Variants in RANBP2 observed in about 807,000 individuals in gnomAD.
RANBP2 encodes the protein E3 SUMO-protein ligase RanBP2.
Under a neutral mutation model 303.6 loss-of-function variants are expected in RANBP2, and 57 were observed. The ratio of observed to expected loss-of-function variants is 0.19; its 90% CI spans 0.15 to 0.23. The LOEUF (loss-of-function observed/expected upper bound fraction) is 0.23. RANBP2 is among the 10% of genes least tolerant of loss of function. RANBP2 has a pLI of 1.00. For synonymous variants in RANBP2, 1,167 were observed against 1,301.5 expected (o/e 0.90, Z 2.23); for missense variants, 3,138 against 3,780.8 (o/e 0.83, Z 4.46).
the RANBP2 span, among the ~76,000 whole-genome samples, chr2:109,061,736 T>C: frequency 6.6e-6 from 1 of 152,172 alleles, no homozygotes. Context: ...ATTTTGGACA[T>C]TAAAAAGTAG....
the RANBP2 span, among the ~76,000 whole-genome samples, chr2:109,738,921 T>C: frequency 6.6e-6 from 1 of 151,470 alleles, no homozygotes; most frequent in African/African-American, 2.4e-5. Flanking sequence ...TATTTTGGTT[T>C]AATTTTTGTT....
the RANBP2 span, among the ~76,000 whole-genome samples, chr2:109,481,525 T>G: frequency 6.6e-6 from 1 of 152,118 alleles, no homozygotes; most frequent in African/African-American, 2.4e-5. Context: ...TCGGGAAGTT[T>G]CCAGAAGGCT....
chr2:109,328,819 T>C, the RANBP2 span, among the ~76,000 whole-genome samples: 1 of 152,226 alleles, frequency 6.6e-6, no homozygotes, highest in African/African-American at 2.4e-5. Context: ...ATATTTCACC[T>C]GAACACAGTG....
the RANBP2 span, among the ~76,000 whole-genome samples, chr2:109,631,061 A>G: frequency 6.6e-6 from 1 of 152,192 alleles, no homozygotes; most frequent in Admixed American, 6.5e-5. Flanking sequence ...CCGTCTTCAA[A>G]AATCAAAAAC....
chr2:108,946,944 A>G, the RANBP2 span, among the ~76,000 whole-genome samples: 6 of 152,198 alleles, frequency 3.9e-5, no homozygotes, highest in Non-Finnish European at 8.8e-5. Context: ...ACAGTCTCCC[A>G]AAGTCTTACT....
the RANBP2 span, among the ~76,000 whole-genome samples, chr2:108,815,135 A>G: frequency 6.6e-6 from 1 of 152,136 alleles, no homozygotes; most frequent in Non-Finnish European, 1.5e-5. Flanking sequence ...TAGGAAAAAA[A>G]TGTTCATATG....
At chr2:109,340,034 C>A in the RANBP2 span, among the ~76,000 whole-genome samples, 1 of 152,182 alleles carries the variant, frequency 6.6e-6, no homozygotes. Context: ...TATAAAAGGA[C>A]TATAATTCTT....
the RANBP2 span, among the ~76,000 whole-genome samples, chr2:109,671,074 G>C: frequency 1.3e-5 from 2 of 152,206 alleles, no homozygotes; most frequent in Admixed American, 6.5e-5. Flanking sequence ...TGGACAGCAT[G>C]ACAAGGTGAT....
At chr2:109,423,697 C>T in the RANBP2 span, among the ~76,000 whole-genome samples, 1 of 152,214 alleles carries the variant, frequency 6.6e-6, no homozygotes, top group Non-Finnish European at 1.5e-5. Context: ...CGCCCAGCCT[C>T]CTTTGACAGT....
At chr2:109,327,434 T>G in the RANBP2 span, among the ~76,000 whole-genome samples, 394 of 152,354 alleles carry the variant, frequency 2.6e-3, no homozygotes, top group Non-Finnish European at 4.6e-3. Flanking sequence ...TTTAAAGCTT[T>G]GATATTTTAG....
the RANBP2 span, chr2:109,501,835 G>C: frequency 3.4e-6 from 2 of 587,878 alleles, no homozygotes; most frequent in South Asian, 2.1e-5. Context: ...TGTGGAGGTC[G>C]TGCCTTCTCC....
At chr2:108,976,728 A>C in the RANBP2 span, among the ~76,000 whole-genome samples, 2 of 152,080 alleles carry the variant, frequency 1.3e-5, no homozygotes, top group Non-Finnish European at 2.9e-5. Context: ...TGTTGCTCAA[A>C]TTGTCTCAGC....
the RANBP2 span, among the ~76,000 whole-genome samples, chr2:109,766,846 C>T: frequency 2.0e-5 from 3 of 149,922 alleles, no homozygotes; most frequent in South Asian, 2.2e-4. Context: ...ATCGAGGCCC[C>T]GTAAAAGACG....
At chr2:108,776,949 CT>C (rs1267066013) in intron 24 of RANBP2, among the ~76,000 whole-genome samples, 180 bp from the exon 25 acceptor site, 1 of 152,046 alleles carries the variant, frequency 6.6e-6, no homozygotes, top group Non-Finnish European at 1.5e-5. Context: ...TGAATAGCAC[CT>C]GTAAAATTAG....
intron 17 of RANBP2, among the ~76,000 whole-genome samples, chr2:108,755,625 T>C (rs1206352723): frequency 6.6e-6 from 1 of 151,384 alleles, no homozygotes; most frequent in Admixed American, 6.6e-5. Context: ...AACTCCTGGC[T>C]CAAAGAATCC....
chr2:108,921,509 G>A, the RANBP2 span, among the ~76,000 whole-genome samples: 1 of 152,206 alleles, frequency 6.6e-6, no homozygotes, highest in African/African-American at 2.4e-5. Flanking sequence ...CAAAGACAGG[G>A]CCTGCTGGAC....
chr2:108,787,310 C>T (rs1679023898), downstream of RANBP2, among the ~76,000 whole-genome samples: 1 of 152,230 alleles, frequency 6.6e-6, no homozygotes, highest in African/African-American at 2.4e-5. Flanking sequence ...TGTACCCTCA[C>T]TTGCATTCAC....
At chr2:109,461,309 C>G in the RANBP2 span, among the ~76,000 whole-genome samples, 1 of 152,232 alleles carries the variant, frequency 6.6e-6, no homozygotes, top group Non-Finnish European at 1.5e-5. Flanking sequence ...CAGTGGCAGA[C>G]CAAGAACTAT....
At chr2:109,674,019 G>A in the RANBP2 span, among the ~76,000 whole-genome samples, 1 of 152,108 alleles carries the variant, frequency 6.6e-6, no homozygotes, top group African/African-American at 2.4e-5. Flanking sequence ...GTTTTGTGAA[G>A]TGCCTGTTCA....
Sources: gnomAD v4.1 joint callset for allele counts (sites outside exome capture counted in the v4.1 genomes callset) on GRCh38, gnomAD v4.1.1 for gene constraint, MANE v1.5 for transcripts, NCBI Gene and HGNC (gene_info 2026-07-23, HGNC 2026-07-21) for gene names.